Variants in DAB1 observed in about 807,000 individuals in gnomAD.
DAB1 encodes DAB adaptor protein 1.
A neutral mutation model predicts 64.6 loss-of-function variants in DAB1; 15 were observed. The ratio of observed to expected loss-of-function variants is 0.23; its 90% CI spans 0.16 to 0.36. DAB1 has a LOEUF of 0.36. Among genes scored for constraint, DAB1 ranks in the 10% least tolerant of loss-of-function variants. The pLI is 1.00. For missense variants in DAB1, 596 were observed against 706.7 expected (o/e 0.84, Z 1.78); for synonymous variants, 235 against 251.9 (o/e 0.93, Z 0.64).
At chr1:57,690,889 T>C (rs758947575) in intron 6 of DAB1, among the ~76,000 whole-genome samples, 1 of 152,322 alleles carries the variant, frequency 6.6e-6, no homozygotes, top group Admixed American at 6.5e-5. Flanking sequence ...ATTTCTCTGA[T>C]GATATATTAT....
chr1:57,158,857 A>T (rs1178690424), intron 2 of DAB1, among the ~76,000 whole-genome samples: 1 of 152,196 alleles, frequency 6.6e-6, no homozygotes. Context: ...TCAACCTATG[A>T]CTCATGCACA....
chr1:57,455,201 A>G (rs1170295030), intron 7 of DAB1, among the ~76,000 whole-genome samples: 1 of 152,196 alleles, frequency 6.6e-6, no homozygotes, highest in Non-Finnish European at 1.5e-5. Flanking sequence ...GCATATAAAC[A>G]GTTCCTAGGG....
At chr1:58,217,348 A>G (rs906417614) in intron 4 of DAB1, among the ~76,000 whole-genome samples, 5 of 152,188 alleles carry the variant, frequency 3.3e-5, no homozygotes, top group Non-Finnish European at 1.5e-5. Flanking sequence ...CCGAAAGTAG[A>G]GAAGGATGAA....
At chr1:57,520,317 T>C (rs1278280013) in intron 7 of DAB1, among the ~76,000 whole-genome samples, 5 of 152,226 alleles carry the variant, frequency 3.3e-5, no homozygotes, top group Admixed American at 6.5e-5. Context: ...TAAACATGTT[T>C]ACCAATAAGC....
chr1:57,402,605 T>G (rs540927660), intron 1 of DAB1, among the ~76,000 whole-genome samples: 26 of 152,304 alleles, frequency 1.7e-4, no homozygotes, highest in Non-Finnish European at 2.8e-4. Flanking sequence ...TTGATTCAGA[T>G]TCTTCTAAGA....
intron 5 of DAB1, among the ~76,000 whole-genome samples, chr1:58,124,251 A>C (rs1652925653): frequency 2.6e-5 from 4 of 151,910 alleles, no homozygotes. Context: ...ATTTACCCAG[A>C]CTCATAAACT....
chr1:57,745,314 T>C (rs980851612), intron 6 of DAB1, among the ~76,000 whole-genome samples: 4 of 152,196 alleles, frequency 2.6e-5, no homozygotes, highest in African/African-American at 9.6e-5. Context: ...TCACCAATGT[T>C]TGTTGAAACT....
chr1:57,498,180 T>G (rs1644251272), intron 7 of DAB1, among the ~76,000 whole-genome samples: 1 of 152,104 alleles, frequency 6.6e-6, no homozygotes, highest in East Asian at 1.9e-4. Flanking sequence ...TGAATCCTGT[T>G]TTGGGTATGT....
chr1:57,622,759 G>T (rs1320308274), intron 7 of DAB1, among the ~76,000 whole-genome samples: 1 of 152,210 alleles, frequency 6.6e-6, no homozygotes, highest in Non-Finnish European at 1.5e-5. Flanking sequence ...GTGAGGACTA[G>T]ATGGGATTTT....
chr1:57,973,717 C>T (rs1244523021), intron 5 of DAB1, among the ~76,000 whole-genome samples: 1 of 152,100 alleles, frequency 6.6e-6, no homozygotes, highest in Middle Eastern at 3.2e-3. Flanking sequence ...ACCTTCAAAA[C>T]ATCCCCAATC....
chr1:57,854,537 G>T (rs1653671177), intron 1 of DAB1, among the ~76,000 whole-genome samples: 1 of 152,252 alleles, frequency 6.6e-6, no homozygotes, highest in Admixed American at 6.5e-5. Context: ...AAAACAGAGG[G>T]TCCCAGTCAG....
At chr1:57,753,157 T>C (rs1230209339) in intron 6 of DAB1, among the ~76,000 whole-genome samples, 2 of 152,304 alleles carry the variant, frequency 1.3e-5, no homozygotes, top group Non-Finnish European at 1.5e-5. Flanking sequence ...CCAGGAACTG[T>C]AGTCTTGGGC....
chr1:58,339,274 A>T (rs1265547510), intron 4 of DAB1, among the ~76,000 whole-genome samples: 2 of 152,212 alleles, frequency 1.3e-5, no homozygotes, highest in Non-Finnish European at 2.9e-5. Flanking sequence ...TGAGATTTTC[A>T]TTCATTCAAC....
intron 5 of DAB1, among the ~76,000 whole-genome samples, chr1:58,069,868 C>A (rs2100568307): frequency 6.6e-6 from 1 of 152,306 alleles, no homozygotes; most frequent in South Asian, 2.1e-4. Flanking sequence ...TATTCCAACA[C>A]CTATGCTTTT....
intron 3 of DAB1, among the ~76,000 whole-genome samples, chr1:58,467,671 C>A (rs1231794765): frequency 6.6e-6 from 1 of 152,116 alleles, no homozygotes; most frequent in Non-Finnish European, 1.5e-5. Flanking sequence ...CCAAAATTTC[C>A]CAAAACATAG....
At chr1:57,379,076 G>C (rs1473164832) in intron 1 of DAB1, among the ~76,000 whole-genome samples, 1 of 152,008 alleles carries the variant, frequency 6.6e-6, no homozygotes, top group Non-Finnish European at 1.5e-5. Flanking sequence ...GTAAACCTAG[G>C]GTGGTTCTTT....
At chr1:58,360,267 C>T (rs1170540359) in intron 3 of DAB1, among the ~76,000 whole-genome samples, 1 of 152,056 alleles carries the variant, frequency 6.6e-6, no homozygotes, top group Non-Finnish European at 1.5e-5. Context: ...TTAAGGGGAG[C>T]CATGTTGAAG....
chr1:58,325,684 A>G (rs985465087), intron 4 of DAB1, among the ~76,000 whole-genome samples: 1 of 152,232 alleles, frequency 6.6e-6, no homozygotes, highest in African/African-American at 2.4e-5. Context: ...CTAAAGATTA[A>G]ATCAGTGCTG....
At chr1:57,520,501 C>T (rs1644513038) in intron 7 of DAB1, among the ~76,000 whole-genome samples, 1 of 151,466 alleles carries the variant, frequency 6.6e-6, no homozygotes, top group African/African-American at 2.4e-5. Flanking sequence ...AGTTTTATTA[C>T]AATATTAGAA....
Sources: allele counts gnomAD v4.1 joint callset (sites outside exome capture counted in the v4.1 genomes callset), GRCh38; gene constraint gnomAD v4.1.1; transcripts MANE v1.5; gene names NCBI Gene and HGNC (gene_info 2026-07-23, HGNC 2026-07-21).